Variants in CHST11 observed in about 807,000 individuals in gnomAD.
The protein encoded by CHST11 is C4S-1.
In CHST11, 9 loss-of-function variants were observed where a neutral mutation model predicts 30.4. That is an observed-to-expected ratio of 0.30 (90% CI 0.18 to 0.52). CHST11 has a LOEUF of 0.52. CHST11 is among the 20% of genes least tolerant of loss of function. The pLI is 0.97. For missense variants in CHST11, 348 were observed against 460.6 expected, an observed-to-expected ratio of 0.76 and a Z score of 2.24; for synonymous variants, 152 against 187.8, an observed-to-expected ratio of 0.81 and a Z score of 1.56.
rs1482535111 is a variant in CHST11, at chr12:104,600,458, C to T, written c.119-1448C>T. On this transcript the variant is annotated intron_variant, in intron 1 of 2. Transcript: ENST00000303694. This position sits in a 1 kb window ranked among gnomAD's most constrained non-coding sequence, Gnocchi z 4.1. The stretch of plus-strand genomic sequence containing the variant: ...TAAAATAGCTTCTGAAATTTGTCAC[C>T]AACACTTTTAAACTGTGGCTTTTGG... Among the ~76,000 whole-genome samples, 1 of 152,170 alleles carries T rather than the reference C, an allele frequency of 6.6e-6. No homozygotes were observed. The highest frequency in any genetic ancestry group is 2.4e-5 in the African/African-American group (1 of 41,432).
chr12:104,506,463 C>T (rs148878709), intron 1 of CHST11, among the ~76,000 whole-genome samples: 21 of 152,270 alleles, frequency 1.4e-4, no homozygotes, highest in African/African-American at 3.6e-4. Flanking sequence ...CCAGGATGGA[C>T]GGTCCTGCAC....
chr12:104,744,717 T>C (rs1566062621), intron 2 of CHST11, among the ~76,000 whole-genome samples: 2 of 152,180 alleles, frequency 1.3e-5, no homozygotes, highest in Non-Finnish European at 2.9e-5. Context: ...GGTTGTCTTC[T>C]AGGGTTTTTA....
At chr12:104,627,114 C>T (rs952406835) in intron 2 of CHST11, among the ~76,000 whole-genome samples, 2 of 152,058 alleles carry the variant, frequency 1.3e-5, no homozygotes, top group South Asian at 2.1e-4. Flanking sequence ...TTCAGAGTGG[C>T]GTCTTTCACT....
chr12:104,730,411 G>C (rs1423936468), intron 2 of CHST11, among the ~76,000 whole-genome samples: 1 of 152,242 alleles, frequency 6.6e-6, no homozygotes, highest in Non-Finnish European at 1.5e-5. Flanking sequence ...GTTAGCCACT[G>C]ATACAGGTGT....
intron 1 of CHST11, among the ~76,000 whole-genome samples, chr12:104,536,691 G>A (rs1362180458): frequency 6.6e-6 from 1 of 152,258 alleles, no homozygotes; most frequent in East Asian, 1.9e-4. Context: ...AACCTCACAG[G>A]GCTTTTAAGA....
chr12:104,643,953 C>A (rs1224475667), intron 2 of CHST11, among the ~76,000 whole-genome samples: 1 of 152,140 alleles, frequency 6.6e-6, no homozygotes, highest in African/African-American at 2.4e-5. Context: ...TTTCTTATTT[C>A]CTCTGGAGTT....
intron 2 of CHST11, among the ~76,000 whole-genome samples, chr12:104,717,698 G>A (rs547507334): frequency 5.9e-5 from 9 of 152,192 alleles, no homozygotes; most frequent in Non-Finnish European, 1.3e-4. Context: ...TTGAACTTGG[G>A]AGGCGGAGGT....
intron 2 of CHST11, among the ~76,000 whole-genome samples, chr12:104,673,992 A>G (rs2039718331): frequency 6.6e-6 from 1 of 152,124 alleles, no homozygotes; most frequent in Admixed American, 6.5e-5. Flanking sequence ...CTCTGCTGTC[A>G]GCTCTCCCGG....
At chr12:104,625,397 C>A (rs1480917216) in intron 2 of CHST11, among the ~76,000 whole-genome samples, 2 of 152,140 alleles carry the variant, frequency 1.3e-5, no homozygotes, top group African/African-American at 2.4e-5. Flanking sequence ...CTCTGCCTCC[C>A]GGGTTCAAGC....
At chr12:104,627,778 A>AGATGAT (rs35113252) in intron 2 of CHST11, among the ~76,000 whole-genome samples, 5 of 151,658 alleles carry the variant, frequency 3.3e-5, no homozygotes, top group East Asian at 1.9e-4. Context: ...GCATAAAGTC[A>AGATGAT]GATGATGATG....
chr12:104,716,033 C>A (rs2040128472), intron 2 of CHST11, among the ~76,000 whole-genome samples: 1 of 152,176 alleles, frequency 6.6e-6, no homozygotes, highest in East Asian at 1.9e-4. Context: ...CAGCCCAGGC[C>A]TGGGGTCTGT....
chr12:104,659,349 A>G (rs1462618278), intron 2 of CHST11, among the ~76,000 whole-genome samples: 1 of 152,154 alleles, frequency 6.6e-6, no homozygotes, highest in South Asian at 2.1e-4. Flanking sequence ...ATTGCTCAAG[A>G]CATATGATCG....
At chr12:104,553,037 C>G (rs1300724306) in intron 1 of CHST11, 2 of 152,200 alleles carry the variant, frequency 1.3e-5, no homozygotes, top group Non-Finnish European at 2.9e-5. Context: ...CCCAGGCTGT[C>G]TGGGTTCTAA....
intron 2 of CHST11, among the ~76,000 whole-genome samples, chr12:104,675,940 G>A (rs1273329053): frequency 6.6e-6 from 1 of 152,116 alleles, no homozygotes; most frequent in Admixed American, 6.5e-5. Flanking sequence ...CGTGTGCTGT[G>A]GTCAGGAGGT....
At chr12:104,577,320 T>G (rs2038694009) in intron 1 of CHST11, among the ~76,000 whole-genome samples, 1 of 151,178 alleles carries the variant, frequency 6.6e-6, no homozygotes, top group Non-Finnish European at 1.5e-5. Context: ...TTAACCATTT[T>G]TAGTGTACAG....
chr12:104,751,368 C>T (rs1208140059), intron 2 of CHST11, among the ~76,000 whole-genome samples: 1 of 152,172 alleles, frequency 6.6e-6, no homozygotes, highest in Middle Eastern at 3.2e-3. Context: ...CTTCCTAGTC[C>T]TTTCATTTCC....
chr12:104,603,794 G>A (rs1039449070), intron 2 of CHST11, among the ~76,000 whole-genome samples: 1 of 152,114 alleles, frequency 6.6e-6, no homozygotes, highest in African/African-American at 2.4e-5. Context: ...GTGACTATGG[G>A]GTGTTTACTT....
intron 1 of CHST11, among the ~76,000 whole-genome samples, chr12:104,545,729 G>T (rs568346834): frequency 1.3e-5 from 2 of 152,254 alleles, no homozygotes; most frequent in African/African-American, 4.8e-5. Context: ...TGTTAGTGAG[G>T]CTCTCTTCTG....
chr12:104,568,761 A>G (rs2038595672), intron 1 of CHST11, among the ~76,000 whole-genome samples: 1 of 152,224 alleles, frequency 6.6e-6, no homozygotes, highest in South Asian at 2.1e-4. Context: ...AAATTAACAC[A>G]GTGAAAAAGG....
Sources: allele counts gnomAD v4.1 joint callset (sites outside exome capture counted in the v4.1 genomes callset), GRCh38; gene constraint gnomAD v4.1.1; non-coding constraint Gnocchi (gnomAD v3.1); transcripts MANE v1.5; gene names NCBI Gene and HGNC (gene_info 2026-07-23, HGNC 2026-07-21).